Variants in DNAH3 observed in about 807,000 individuals in gnomAD.
DNAH3 encodes axonemal beta dynein heavy chain 3.
In DNAH3, 332 loss-of-function variants were observed where a neutral mutation model predicts 432.5. The ratio of observed to expected loss-of-function variants is 0.77; its 90% CI spans 0.70 to 0.84. The LOEUF (loss-of-function observed/expected upper bound fraction) is 0.84, where lower values mean the gene tolerates loss of function less well. Ranked by LOEUF, DNAH3 falls within the 40% of genes least tolerant of loss-of-function variation. DNAH3 has a pLI of 0.00. For missense variants in DNAH3, 4,861 were observed against 5,114.0 expected (o/e 0.95, Z 1.51); for synonymous variants, 1,956 against 1,900.2 (o/e 1.03, Z -0.76).
At chr16:21,100,100 CTCTT>C (rs200451654) in intron 16 of DNAH3, among the ~76,000 whole-genome samples, 2,012 of 152,252 alleles carry the variant, frequency 0.013, 27 homozygotes, top group African/African-American at 0.03. Context: ...CTCTCTCTCT[CTCTT>C]TATCTCTTTC....
chr16:21,134,174 C>T (rs969336289), intron 7 of DNAH3, 85 bp downstream of exon 8: 27 of 1,320,890 alleles, frequency 2.0e-5, no homozygotes, highest in Middle Eastern at 2.7e-4. Context: ...TCAGGGCTAC[C>T]CCCACTGTGC....
intron 20 of DNAH3, among the ~76,000 whole-genome samples, chr16:21,077,199 G>A (rs756700831): frequency 1.1e-4 from 16 of 152,006 alleles, no homozygotes; most frequent in East Asian, 1.9e-4. Context: ...GTCTCACTGC[G>A]ATGCCCAGGG....
chr16:21,023,652 GA>G (rs1170550578), intron 39 of DNAH3, among the ~76,000 whole-genome samples: 1 of 152,118 alleles, frequency 6.6e-6, no homozygotes, highest in Non-Finnish European at 1.5e-5. Context: ...GAAAGAGCAG[GA>G]AATGAGATTG....
intron 20 of DNAH3, among the ~76,000 whole-genome samples, chr16:21,078,149 C>T (rs2091041780): frequency 1.3e-5 from 2 of 151,936 alleles, no homozygotes; most frequent in Admixed American, 1.3e-4. Flanking sequence ...GTGGCGCACG[C>T]CTGTAATCCC....
Position 20,984,735 on chromosome 16 carries a change from C to T in DNAH3, c.7665+342G>A, listed in dbSNP as rs1362674770. ...AATACAAAAATTAGCAGGTGTGGTA[C>T]GCGCCTGCAATCACAGCTACTCAGG... On this transcript the variant is annotated intron_variant, in intron 48 of 61. Transcript: ENST00000261383. Among the ~76,000 whole-genome samples, 5 of 152,056 alleles carry T rather than the reference C, an allele frequency of 3.3e-5. No individual in the cohort carries two copies. In the East Asian group the frequency reaches 5.8e-4, roughly 18 times the overall value.
chr16:21,095,578 A>G (rs1458584324), intron 18 of DNAH3, among the ~76,000 whole-genome samples: 2 of 152,222 alleles, frequency 1.3e-5, no homozygotes, highest in Non-Finnish European at 2.9e-5. Context: ...CAGTCCAAAG[A>G]AATTTATTGA....
rs980187828 is a variant in DNAH3, at chr16:20,984,201, A to G, written c.7665+876T>C. 9.3e-5 allele frequency among the ~76,000 whole-genome samples: 14 copies of G among 151,200 alleles called. No homozygotes were observed. In the South Asian group the frequency reaches 2.5e-3, roughly 27 times the overall value. On this transcript the variant is annotated intron_variant, in intron 48 of 61. Coordinates refer to ENST00000261383, the Ensembl canonical transcript of DNAH3. The stretch of plus-strand genomic sequence containing the variant: ...TGTGTATATGTGTGCACGTGTGCGC[A>G]TGCGTGCGTGTGTGTGTGTGTGTAT...
Position 21,120,846 on chromosome 16 carries a change from G to A in DNAH3, c.1593C>T (p.Tyr531=), listed in dbSNP as rs1052927968. 3 of 1,613,066 alleles carry A rather than the reference G, an allele frequency of 1.9e-6. No individual in the cohort carries two copies. The African/African-American group carries it at 4.0e-5, about 22-fold the overall frequency. ...CAGTGAAGGAGAACTTAAGTGGTAT[G>A]TATTTCAGCTGTCCCCATACATAGT... Residue 531 remains tyrosine (Y), a synonymous_variant, in exon 11 of 62, where the codon TAC becomes TAT. Coordinates refer to ENST00000261383, the Ensembl canonical transcript of DNAH3.
chr16:21,159,022 A>G (rs1253921000), intron 1 of DNAH3, among the ~76,000 whole-genome samples: 2 of 150,562 alleles, frequency 1.3e-5, no homozygotes, highest in East Asian at 3.9e-4. Context: ...ACATACACAC[A>G]CACACTACCA....
intron 21 of DNAH3, among the ~76,000 whole-genome samples, chr16:21,071,486 T>A (rs2090780190): frequency 1.3e-5 from 2 of 152,164 alleles, no homozygotes; most frequent in South Asian, 4.1e-4. Context: ...CTCCCCATTT[T>A]TCATGCTGAT....
chr16:21,024,530 AGAAGACCCTCGAGAT>A (rs1397703478), intron 39 of DNAH3, 51 bp downstream of exon 39: 2 of 1,193,390 alleles, frequency 1.7e-6, no homozygotes, highest in Non-Finnish European at 2.4e-6. Context: ...AGATGTACCT[AGAAGACCCTCGAGAT>A]GAAAAGCAGG....
In DNAH3 at chr16:20,985,154, T is replaced by C. The variant is rs184971768; in HGVS notation, c.7588A>G (p.Met2530Val). 11 of 1,614,218 alleles carry C rather than the reference T, an allele frequency of 6.8e-6. No homozygotes were observed. The East Asian group carries it at 1.1e-4, about 16-fold the overall frequency. Reference sequence around the variant, plus strand: ...CCTTGGGTCCTGGCTGCAGTCTGCATCTTCTCCACGATGTCAGCCTTCTCG... The same window carrying C: ...CCTTGGGTCCTGGCTGCAGTCTGCACCTTCTCCACGATGTCAGCCTTCTCG... The change falls in exon 48 of 62, where the codon ATG becomes GTG. Residue 2530 changes from methionine (M) to valine (V), a missense_variant. By Grantham distance (21) the Met-to-Val change is conservative. Transcript: ENST00000261383.
chr16:21,091,148 A>G (rs910189371), intron 18 of DNAH3, among the ~76,000 whole-genome samples: 5 of 152,182 alleles, frequency 3.3e-5, no homozygotes, highest in African/African-American at 9.6e-5. Flanking sequence ...GCGAGACCCC[A>G]TCTCAAATAA....
chr16:20,938,054 G>A (rs1048257816), intron 59 of DNAH3, among the ~76,000 whole-genome samples: 2 of 152,254 alleles, frequency 1.3e-5, no homozygotes, highest in Non-Finnish European at 2.9e-5. Context: ...ATGATCACAT[G>A]CAGGAAGAGG....
Position 21,140,519 on chromosome 16 carries a change from G to A in DNAH3, c.696+17C>T, listed in dbSNP as rs925627585. The A allele has an allele frequency of 1.2e-5, 19 of 1,608,754 alleles. No homozygotes were observed. The highest frequency in any genetic ancestry group is 1.6e-5 in the Non-Finnish European group (19 of 1,176,014). ...AACCCTCAGCAAACCGAGGGAAAGG[G>A]GGCAACAGGAACGTACCTCCAGGTC... On this transcript the variant is annotated intron_variant, in intron 5 of 61. Transcript: ENST00000261383.
intron 44 of DNAH3, among the ~76,000 whole-genome samples, chr16:20,990,185 GC>G (rs1210881807): frequency 1.3e-5 from 2 of 152,228 alleles, no homozygotes; most frequent in Non-Finnish European, 1.5e-5. Context: ...GTGAGGACTT[GC>G]CAGCACGCTG....
At chr16:21,028,074 C>A (rs924163849) in intron 37 of DNAH3, among the ~76,000 whole-genome samples, 1 of 152,146 alleles carries the variant, frequency 6.6e-6, no homozygotes, top group African/African-American at 2.4e-5. Flanking sequence ...CCATCCTCGA[C>A]CTTTGGGGCT....
At chr16:20,989,795 G>A (rs2086450648) in intron 44 of DNAH3, among the ~76,000 whole-genome samples, 1 of 152,254 alleles carries the variant, frequency 6.6e-6, no homozygotes, top group Non-Finnish European at 1.5e-5. Flanking sequence ...CCGCGGCAAG[G>A]CAGCTAAGGC....
At chr16:21,153,022 C>T (rs1597504192) in intron 1 of DNAH3, among the ~76,000 whole-genome samples, 1 of 152,352 alleles carries the variant, frequency 6.6e-6, no homozygotes, top group Non-Finnish European at 1.5e-5. Context: ...CACCTGCAGC[C>T]CCGGTGCAGG....
Sources: allele counts gnomAD v4.1 joint callset (sites outside exome capture counted in the v4.1 genomes callset), GRCh38; gene constraint gnomAD v4.1.1; transcripts MANE v1.5; gene names NCBI Gene and HGNC (gene_info 2026-07-23, HGNC 2026-07-21).